The following ACBD6 variants were observed in gnomAD, a reference collection of about 807,000 sequenced individuals.
ACBD6 encodes acyl-CoA binding domain containing 6.
In ACBD6, 28 loss-of-function variants were observed where a neutral mutation model predicts 37.2. The observed-to-expected ratio is 0.75, with a 90% CI of 0.56 to 1.03. The LOEUF is 1.03. Ranked by LOEUF, ACBD6 falls within the 50% of genes least tolerant of loss-of-function variation. The pLI is 0.00. For synonymous variants in ACBD6, 113 were observed against 126.8 expected (o/e 0.89, Z 0.73); for missense variants, 340 against 337.4 (o/e 1.01, Z -0.06).
At chr1:180,334,487 C>A (rs1390037183) in intron 6 of ACBD6, among the ~76,000 whole-genome samples, 1 of 151,888 alleles carries the variant, frequency 6.6e-6, no homozygotes, top group Non-Finnish European at 1.5e-5. Context: ...ACAAACAGGA[C>A]ACCCACACCA....
intron 6 of ACBD6, among the ~76,000 whole-genome samples, chr1:180,376,417 T>C (rs934837439): frequency 7.2e-5 from 11 of 152,220 alleles, no homozygotes; most frequent in Non-Finnish European, 1.5e-4. Context: ...TGCAAAGCGT[T>C]AGACATTACC....
At position 180,271,386 on chromosome 1, in the gene ACBD6, CAG is replaced by C; in HGVS notation, c.*1837_*1838del. On this transcript the variant is annotated 3_prime_UTR_variant, in exon 14 of 14. Coordinates refer to the ACBD6 transcript ENST00000642319. ...CAGTGGTTTTTCCTTGCAGATGACTCAGAGGCTGGAGCTAAGCGGCCCCGGAC... is the reference window on the plus strand; with the variant it reads ...CAGTGGTTTTTCCTTGCAGATGACTCAGGCTGGAGCTAAGCGGCCCCGGAC... 6.2e-7 allele frequency: 1 copy of C among 1,614,192 alleles called. No individual in the cohort carries two copies. The highest frequency in any genetic ancestry group is 8.5e-7 in the Non-Finnish European group (1 of 1,180,028).
chr1:180,328,838 A>AT (rs1651361819), intron 6 of ACBD6, among the ~76,000 whole-genome samples: 1 of 151,824 alleles, frequency 6.6e-6, no homozygotes, highest in Non-Finnish European at 1.5e-5. Context: ...TTTTATGATT[A>AT]TTTTTCTATA....
chr1:180,349,267 CTTTTT>C (rs11318564), intron 6 of ACBD6, among the ~76,000 whole-genome samples: 24 of 139,302 alleles, frequency 1.7e-4, no homozygotes, highest in Admixed American at 1.1e-3. Flanking sequence ...ATTTTAATTT[CTTTTT>C]TTTTTTTGGA....
rs552855391 is a variant in ACBD6 at position 180,467,589 on chromosome 1, C to T, written c.384+24680G>A. Among the ~76,000 whole-genome samples, 168 of 151,850 alleles carry T rather than the reference C, an allele frequency of 1.1e-3. 1 individual carries two copies. The highest frequency in any genetic ancestry group is 1.8e-3 in the Non-Finnish European group (125 of 67,924). On this transcript the variant is annotated intron_variant, in intron 3 of 7. Transcript: ENST00000367595. Reference sequence around the variant, plus strand: ...CCACTTAAGCCCAGAAGTTTGAGGCCGCAGGGAGCTATGATCACGCTACTG... The same window carrying T: ...CCACTTAAGCCCAGAAGTTTGAGGCTGCAGGGAGCTATGATCACGCTACTG...
chr1:180,324,506 A>G (rs1469401862), intron 6 of ACBD6, among the ~76,000 whole-genome samples: 1 of 152,092 alleles, frequency 6.6e-6, no homozygotes, highest in East Asian at 1.9e-4. Context: ...AAACATTTTC[A>G]CTTAATTCTC....
intron 3 of ACBD6, among the ~76,000 whole-genome samples, chr1:180,486,714 A>C (rs1651277399): frequency 6.6e-6 from 1 of 152,240 alleles, no homozygotes; most frequent in South Asian, 2.1e-4. Context: ...CAAAGTACTC[A>C]TTAATTAATT....
At chr1:180,381,458 A>G (rs1571432412) in intron 6 of ACBD6, among the ~76,000 whole-genome samples, 1 of 152,220 alleles carries the variant, frequency 6.6e-6, no homozygotes, top group African/African-American at 2.4e-5. Flanking sequence ...GACAGACCAT[A>G]CATTAGGTCA....
chr1:180,331,148 A>T (rs1651464113), intron 6 of ACBD6, among the ~76,000 whole-genome samples: 1 of 152,208 alleles, frequency 6.6e-6, no homozygotes, highest in African/African-American at 2.4e-5. Flanking sequence ...ACAATATAAC[A>T]GTAGCTTCTA....
At chr1:180,395,065 T>C (rs1654208396) in intron 6 of ACBD6, among the ~76,000 whole-genome samples, 1 of 152,200 alleles carries the variant, frequency 6.6e-6, no homozygotes, top group Non-Finnish European at 1.5e-5. Flanking sequence ...TGATAAACTA[T>C]TTGGCATGGC....
intron 3 of ACBD6, chr1:180,435,579 G>A (rs778033856): frequency 1.1e-5 from 12 of 1,045,414 alleles, no homozygotes; most frequent in East Asian, 2.4e-5. Flanking sequence ...GCAAAGTCCC[G>A]AGTAACCCAG....
intron 6 of ACBD6, among the ~76,000 whole-genome samples, chr1:180,368,111 G>C (rs1173223286): frequency 6.6e-6 from 1 of 151,816 alleles, no homozygotes; most frequent in Non-Finnish European, 1.5e-5. Context: ...GTATCTTGTG[G>C]GTTTGATTTG....
chr1:180,474,846 C>T (rs950417826), intron 3 of ACBD6, among the ~76,000 whole-genome samples: 2 of 152,208 alleles, frequency 1.3e-5, no homozygotes, highest in African/African-American at 4.8e-5. Context: ...AACAGACTTT[C>T]AGGATCTACA....
At chr1:180,293,248 G>A (rs552638372) in intron 7 of ACBD6, among the ~76,000 whole-genome samples, 1 of 151,904 alleles carries the variant, frequency 6.6e-6, no homozygotes, top group Non-Finnish European at 1.5e-5. Flanking sequence ...AATGAGCTGG[G>A]CAGTGCTCCC....
intron 6 of ACBD6, among the ~76,000 whole-genome samples, chr1:180,386,574 T>G (rs1209106630): frequency 6.6e-6 from 1 of 152,176 alleles, no homozygotes; most frequent in Non-Finnish European, 1.5e-5. Context: ...TTAGATCTTT[T>G]ACAATTGTCC....
exon 14 of ACBD6, chr1:180,271,593 G>C: frequency 6.3e-7 from 1 of 1,596,672 alleles, no homozygotes. Flanking sequence ...AGGGGTGGAA[G>C]GTATCCTGAG....
chr1:180,318,461 T>C (rs1249711725), intron 6 of ACBD6, among the ~76,000 whole-genome samples: 1 of 152,138 alleles, frequency 6.6e-6, no homozygotes, highest in Non-Finnish European at 1.5e-5. Context: ...TTCTGGACTA[T>C]AAGTTTATTT....
intron 6 of ACBD6, among the ~76,000 whole-genome samples, chr1:180,364,301 T>TA (rs1310545872): frequency 6.6e-6 from 1 of 152,232 alleles, no homozygotes; most frequent in African/African-American, 2.4e-5. Context: ...GTTACAGCTC[T>TA]ACTCTGTTCC....
chr1:180,428,694 T>C (rs1052193398), intron 4 of ACBD6, among the ~76,000 whole-genome samples: 4 of 152,198 alleles, frequency 2.6e-5, no homozygotes, highest in African/African-American at 7.2e-5. Context: ...TACTAGAGTA[T>C]GGGAGCCCTT....
Sources: gnomAD v4.1 joint callset for allele counts (sites outside exome capture counted in the v4.1 genomes callset) on GRCh38, gnomAD v4.1.1 for gene constraint, MANE v1.5 for transcripts, NCBI Gene and HGNC (gene_info 2026-07-23, HGNC 2026-07-21) for gene names.